Variants in EBF1 observed in about 807,000 individuals in gnomAD.
EBF1 encodes the protein transcription factor COE1.
A neutral mutation model predicts 68.4 loss-of-function variants in EBF1; 10 were observed. That is an observed-to-expected ratio of 0.15 (90% CI 0.09 to 0.25). The LOEUF is 0.25. Ranked by LOEUF, EBF1 falls within the 10% of genes least tolerant of loss-of-function variation. The probability of loss-of-function intolerance (pLI) is 1.00; values close to 1 mark genes in which losing one functional copy is unlikely to be tolerated. For synonymous variants in EBF1, 298 were observed against 299.8 expected (o/e 0.99, Z 0.06); for missense variants, 509 against 794.4 (o/e 0.64, Z 4.32).
chr5:158,983,365 C>T (rs776574044), intron 6 of EBF1: 5 of 152,016 alleles, frequency 3.3e-5, no homozygotes, highest in Admixed American at 1.3e-4. Context: ...TTGATATTTC[C>T]CATACGACTA....
At chr5:158,874,755 C>CAAAAAAA in intron 6 of EBF1, among the ~76,000 whole-genome samples, 1 of 151,370 alleles carries the variant, frequency 6.6e-6, no homozygotes, top group South Asian at 2.1e-4. Context: ...ATTATAAATA[C>CAAAAAAA]AAAAATGATA....
chr5:159,090,249 A>G (rs1781389523), intron 4 of EBF1, among the ~76,000 whole-genome samples: 1 of 121,392 alleles, frequency 8.2e-6, no homozygotes, highest in African/African-American at 3.3e-5. Flanking sequence ...CATTAAAAAA[A>G]AAAGAAAGAA....
In EBF1 at chr5:158,900,625, T is replaced by A. The variant is rs557596243; in HGVS notation, c.555-60515A>T. On this transcript the variant is annotated intron_variant, in intron 6 of 15. Coordinates refer to ENST00000313708, the MANE Select transcript of EBF1 (RefSeq NM_024007.5). ...CTAGTCACTGCCTCAGCAGGGAGGATCCCCTGAAGCAGAGAACTAAGACAG... is the reference window on the plus strand; with the variant it reads ...CTAGTCACTGCCTCAGCAGGGAGGAACCCCTGAAGCAGAGAACTAAGACAG... 1.3e-3 allele frequency among the ~76,000 whole-genome samples: 196 copies of A among 152,274 alleles called. 1 individual carries two copies. The highest frequency in any genetic ancestry group is 4.5e-3 in the African/African-American group (187 of 41,560).
intron 6 of EBF1, among the ~76,000 whole-genome samples, chr5:158,877,700 GCACACACA>G (rs3035127): frequency 1.3e-5 from 2 of 150,648 alleles, no homozygotes; most frequent in East Asian, 2.0e-4. Context: ...TACTACAAAC[GCACACACA>G]CACACACACT....
intron 6 of EBF1, among the ~76,000 whole-genome samples, chr5:158,987,935 T>C (rs1191423811): frequency 6.6e-6 from 1 of 152,168 alleles, no homozygotes; most frequent in Non-Finnish European, 1.5e-5. Context: ...TTTACTAGCA[T>C]TGGGAATGGC....
chr5:158,819,625 T>G (rs1784426225), intron 8 of EBF1, among the ~76,000 whole-genome samples: 1 of 152,190 alleles, frequency 6.6e-6, no homozygotes, highest in African/African-American at 2.4e-5. Flanking sequence ...GTACACAGGG[T>G]AGCGCTGAAC....
chr5:158,944,933 G>T (rs1018081531), intron 6 of EBF1, among the ~76,000 whole-genome samples: 2 of 152,062 alleles, frequency 1.3e-5, no homozygotes, highest in Non-Finnish European at 2.9e-5. Context: ...TTTTTCTCTT[G>T]TAAATTTGTT....
At chr5:158,777,349 G>C (rs1402471674) in intron 10 of EBF1, 64 bp downstream of exon 10, 1 of 1,466,372 alleles carries the variant, frequency 6.8e-7, no homozygotes, top group Non-Finnish European at 9.1e-7. Flanking sequence ...ATACAGACAA[G>C]ATAAGGGGAA....
intron 8 of EBF1, among the ~76,000 whole-genome samples, chr5:158,798,607 T>C (rs1162980903): frequency 6.6e-6 from 1 of 152,168 alleles, no homozygotes; most frequent in African/African-American, 2.4e-5. Flanking sequence ...CCACTTGTTA[T>C]ACGTAGGATA....
At chr5:158,813,482 G>A (rs1463237802) in intron 8 of EBF1, among the ~76,000 whole-genome samples, 1 of 152,128 alleles carries the variant, frequency 6.6e-6, no homozygotes, top group Non-Finnish European at 1.5e-5. Context: ...GCTTTTCCAG[G>A]CCTCCTAGAA....
chr5:158,856,975 G>A (rs886973433), intron 6 of EBF1, among the ~76,000 whole-genome samples: 5 of 149,504 alleles, frequency 3.3e-5, no homozygotes, highest in African/African-American at 7.3e-5. Context: ...TTTTTTAAAA[G>A]CGAGAAAAAA....
At position 158,698,284 on chromosome 5, in the gene EBF1, C is replaced by A. The variant is rs1319877550; in HGVS notation, c.*827G>T. 1 of 221,834 alleles carries A rather than the reference C, an allele frequency of 4.5e-6. No individual in the cohort carries two copies. The highest frequency in any genetic ancestry group is 5.8e-5 in the Admixed American group (1 of 17,384). The allele number at this position is 221,834 out of a possible 1,614,324, so 13.7% of individuals were successfully genotyped here. ...CACACAGTATGTGTGCCACCAAGCTCTCGAGAGGCCATCGGCTTCAGAAGA... is the reference window on the plus strand; with the variant it reads ...CACACAGTATGTGTGCCACCAAGCTATCGAGAGGCCATCGGCTTCAGAAGA... On this transcript the variant is annotated 3_prime_UTR_variant, in exon 16 of 16. Transcript: ENST00000313708.
intron 5 of EBF1, among the ~76,000 whole-genome samples, chr5:159,080,045 C>T (rs965049943): frequency 2.6e-5 from 4 of 152,188 alleles, no homozygotes; most frequent in African/African-American, 9.7e-5. Context: ...TATTCTCCCT[C>T]CCTTGTCAAT....
intron 10 of EBF1, among the ~76,000 whole-genome samples, chr5:158,735,313 G>A (rs1238389798): frequency 1.3e-5 from 2 of 152,106 alleles, no homozygotes; most frequent in African/African-American, 4.8e-5. Flanking sequence ...TACACTTAAT[G>A]GGGATACATT....
chr5:158,760,318 T>C (rs1471921960), intron 10 of EBF1, among the ~76,000 whole-genome samples: 1 of 152,164 alleles, frequency 6.6e-6, no homozygotes, highest in Non-Finnish European at 1.5e-5. Flanking sequence ...ATAAGTGTAT[T>C]GTTTTCAATT....
chr5:158,766,046 G>C (rs898010731), intron 10 of EBF1, among the ~76,000 whole-genome samples: 1 of 152,132 alleles, frequency 6.6e-6, no homozygotes, highest in East Asian at 1.9e-4. Context: ...AAATCGGTAG[G>C]GGCATGAAAT....
intron 6 of EBF1, among the ~76,000 whole-genome samples, chr5:158,901,545 A>G (rs1347158488): frequency 6.6e-6 from 1 of 152,240 alleles, no homozygotes; most frequent in Non-Finnish European, 1.5e-5. Context: ...CTATGTGAGC[A>G]CTATTTTGCA....
At chr5:158,908,580 G>A (rs762687398) in intron 6 of EBF1, among the ~76,000 whole-genome samples, 3 of 152,152 alleles carry the variant, frequency 2.0e-5, no homozygotes, top group Non-Finnish European at 2.9e-5. Flanking sequence ...TCGTCACAAT[G>A]CATCATGTAT....
chr5:158,834,500 T>C (rs1379745073), intron 7 of EBF1, among the ~76,000 whole-genome samples: 2 of 147,374 alleles, frequency 1.4e-5, no homozygotes, highest in African/African-American at 5.2e-5. Flanking sequence ...AAGCATCCAT[T>C]GTAAATTAAA....
Sources: allele counts gnomAD v4.1 joint callset (sites outside exome capture counted in the v4.1 genomes callset), GRCh38; gene constraint gnomAD v4.1.1; transcripts MANE v1.5; gene names NCBI Gene and HGNC (gene_info 2026-07-23, HGNC 2026-07-21).